The following TMCO5A variants were observed in gnomAD, a reference collection of about 807,000 sequenced individuals.
TMCO5A encodes transmembrane and coiled-coil domains 5A, also known as transmembrane and coiled-coil domain-containing protein 5A.
Under a neutral mutation model 42.3 loss-of-function variants are expected in TMCO5A, and 34 were observed. The ratio of observed to expected loss-of-function variants is 0.80; its 90% CI spans 0.61 to 1.07. TMCO5A has a LOEUF of 1.07. Among genes scored for constraint, TMCO5A ranks in the 50% least tolerant of loss-of-function variants. The pLI, the probability that TMCO5A is intolerant of heterozygous loss-of-function variation, is 0.00. For missense variants in TMCO5A, 357 were observed against 327.9 expected, an observed-to-expected ratio of 1.09 and a Z score of -0.69; for synonymous variants, 131 against 115.6, an observed-to-expected ratio of 1.13 and a Z score of -0.86.
chr15:37,940,796 A>G (rs1889705873), intron 6 of TMCO5A, among the ~76,000 whole-genome samples: 1 of 152,166 alleles, frequency 6.6e-6, no homozygotes, highest in Admixed American at 6.6e-5. Flanking sequence ...GGGAGAAAGG[A>G]GTGAACAAAC....
At chr15:37,991,602 G>A in the TMCO5A span, among the ~76,000 whole-genome samples, 3 of 152,118 alleles carry the variant, frequency 2.0e-5, no homozygotes, top group Non-Finnish European at 4.4e-5. Context: ...GTGTCCCACA[G>A]ATCCCTTAGG....
rs934696674 is a variant in TMCO5A at position 37,966,496 on chromosome 15, A to G, written c.669-129A>G. On this transcript the variant is annotated intron_variant, in intron 11 of 11. Transcript: ENST00000559502. ...AAAACATCTCATATACCCCATAAAT[A>G]TACACACCTACTATGTACCCACAAA... 4.4e-6 allele frequency: 3 copies of G among 679,834 alleles called. No individual in the cohort carries two copies. The African/African-American group carries it at 5.3e-5, about 12-fold the overall frequency. 42.1% of individuals were successfully genotyped at this position (679,834 alleles called of 1,614,324 possible). A position where few individuals can be genotyped will look rare whatever the true frequency, so the allele number is the denominator to read the frequency against.
the TMCO5A span, among the ~76,000 whole-genome samples, chr15:38,012,523 C>CGT: frequency 0.014 from 2,141 of 149,278 alleles, 39 homozygotes; most frequent in African/African-American, 0.043. Context: ...TAGGAGTAGT[C>CGT]GTGTGTGTGT....
chr15:38,026,199 G>A, the TMCO5A span, among the ~76,000 whole-genome samples: 2 of 152,184 alleles, frequency 1.3e-5, no homozygotes, highest in African/African-American at 4.8e-5. Context: ...AAAGGAAAAC[G>A]TGGGGAAGTT....
the TMCO5A span, among the ~76,000 whole-genome samples, chr15:38,025,665 T>A: frequency 2.0e-5 from 3 of 152,200 alleles, no homozygotes; most frequent in African/African-American, 7.2e-5. Context: ...TCTCTCAGTC[T>A]TAGGTTAGGG....
chr15:38,001,244 AAT>A, the TMCO5A span, among the ~76,000 whole-genome samples: 1 of 152,026 alleles, frequency 6.6e-6, no homozygotes, highest in African/African-American at 2.4e-5. Flanking sequence ...CCCCTTTATC[AAT>A]ATATAGTGAC....
chr15:37,989,778 T>C, the TMCO5A span, among the ~76,000 whole-genome samples: 3 of 152,050 alleles, frequency 2.0e-5, no homozygotes, highest in Non-Finnish European at 4.4e-5. Context: ...GTCTTTTTGC[T>C]ACATTCTAAC....
At chr15:37,976,056 CAA>C in the TMCO5A span, among the ~76,000 whole-genome samples, 1 of 146,238 alleles carries the variant, frequency 6.8e-6, no homozygotes. Flanking sequence ...CTAGCCTGGC[CAA>C]CATGGTGAAA....
chr15:38,017,943 A>T, the TMCO5A span, among the ~76,000 whole-genome samples: 22 of 149,508 alleles, frequency 1.5e-4, no homozygotes, highest in South Asian at 4.0e-3. Flanking sequence ...TTCCCCCTTC[A>T]CTCTCTCTCT....
At chr15:37,999,063 T>A in the TMCO5A span, among the ~76,000 whole-genome samples, 1 of 152,250 alleles carries the variant, frequency 6.6e-6, no homozygotes, top group South Asian at 2.1e-4. Flanking sequence ...TGCGCCACCA[T>A]GCCCAGCTAA....
Position 37,951,362 on chromosome 15 carries a change from C to A in TMCO5A, c.*128C>A, listed in dbSNP as rs899612302. On this transcript the variant is annotated 3_prime_UTR_variant, in exon 12 of 12. Coordinates refer to ENST00000319669, the MANE Select transcript of TMCO5A (RefSeq NM_152453.4). ...CCTCACCGTTTGCCTGCTTGACTAC[C>A]TTCTGTCACCACGTCATCTTTCCAG... is the stretch of plus-strand genomic sequence containing the variant. The A allele has an allele frequency of 1.3e-6, 1 of 787,496 alleles. No homozygotes were observed. The allele number at this position is 787,496 out of a possible 1,614,324, so 48.8% of individuals were successfully genotyped here.
intron 11 of TMCO5A, among the ~76,000 whole-genome samples, chr15:37,964,484 A>G (rs1037296767): frequency 6.6e-6 from 1 of 151,676 alleles, no homozygotes; most frequent in African/African-American, 2.4e-5. Context: ...CTTGAAGTTG[A>G]TCTGGAGCTA....
At chr15:37,976,305 G>A in the TMCO5A span, among the ~76,000 whole-genome samples, 6 of 151,096 alleles carry the variant, frequency 4.0e-5, no homozygotes, top group African/African-American at 1.5e-4. Context: ...TCCCTTTTTA[G>A]TGATCTGCTC....
chr15:38,029,727 G>A, the TMCO5A span, among the ~76,000 whole-genome samples: 6 of 152,284 alleles, frequency 3.9e-5, no homozygotes, highest in South Asian at 6.2e-4. Flanking sequence ...TGGGATTACA[G>A]GTGTGCGCCA....
chr15:38,015,316 C>A, the TMCO5A span, among the ~76,000 whole-genome samples: 1 of 152,000 alleles, frequency 6.6e-6, no homozygotes, highest in Non-Finnish European at 1.5e-5. Flanking sequence ...AACTAGGAAA[C>A]AATAAGATAC....
At chr15:37,946,053 A>G (rs890793780) in intron 10 of TMCO5A, among the ~76,000 whole-genome samples, 1 of 152,174 alleles carries the variant, frequency 6.6e-6, no homozygotes, top group African/African-American at 2.4e-5. Context: ...TATATTATGT[A>G]AGGAAGCAGT....
At position 37,951,084 on chromosome 15, in the gene TMCO5A, G is replaced by A. The variant is rs780461625; in HGVS notation, c.717G>A (p.Leu239=). Residue 239 remains leucine (L), a synonymous_variant, in exon 12 of 12, where the codon CTG becomes CTA. Transcript: ENST00000319669. ...TCACCCTATTTTTCATCAGACTGCT[G>A]AGCTACATGTTTTTTCATGTAAGAT... ...FFITLFFIRL[L]SYMFFHVRFI... 10 of 1,613,030 alleles carry A rather than the reference G, an allele frequency of 6.2e-6. No individual in the cohort carries two copies. Among genetic ancestry groups the A allele is most frequent in the Non-Finnish European group, 8.5e-6 (10 of 1,179,826 alleles).
chr15:37,937,060 T>C, intron 4 of TMCO5A, 90 bp downstream of exon 4: 1 of 1,550,302 alleles, frequency 6.5e-7, no homozygotes, highest in Non-Finnish European at 8.7e-7. Context: ...CTCTCCTTTT[T>C]ATACATGAAC....
chr15:37,968,740 G>A (rs1024862497), downstream of TMCO5A, among the ~76,000 whole-genome samples: 2 of 151,584 alleles, frequency 1.3e-5, no homozygotes. Flanking sequence ...CCACCACCAC[G>A]CCCGGCTAAT....
Sources: gnomAD v4.1 joint callset for allele counts (sites outside exome capture counted in the v4.1 genomes callset) on GRCh38, gnomAD v4.1.1 for gene constraint, MANE v1.5 for transcripts, NCBI Gene and HGNC (gene_info 2026-07-23, HGNC 2026-07-21) for gene names.